Variants in TRIM63 observed in about 807,000 individuals in gnomAD.
TRIM63 encodes the protein E3 ubiquitin-protein ligase TRIM63.
TRIM63 carries 48 observed loss-of-function variants against 46.0 expected under a neutral mutation model. That is an observed-to-expected ratio of 1.04 (90% confidence interval 0.83 to 1.33). The LOEUF (loss-of-function observed/expected upper bound fraction) is 1.33, where lower values mean the gene tolerates loss of function less well. Among genes scored for constraint, TRIM63 ranks in the 40% most tolerant of loss-of-function variants. TRIM63 has a pLI of 0.00. For synonymous variants in TRIM63, 175 were observed against 162.8 expected (o/e 1.08, Z -0.57); for missense variants, 455 against 441.2 (o/e 1.03, Z -0.28).
In TRIM63 at chr1:26,051,847, T is replaced by C. The variant is rs2050525845; in HGVS notation, c.*26A>G. ...CCACCCTCTCCAGTCTCTCTGCATC[T>C]GGGGGCCTCTCATTCATCCAGCTCC... is the stretch of plus-strand genomic sequence containing the variant. On this transcript the variant is annotated 3_prime_UTR_variant, in exon 9 of 9. Coordinates refer to ENST00000374272, the MANE Select transcript of TRIM63 (RefSeq NM_032588.4). The C allele has an allele frequency of 1.7e-6, 2 of 1,203,896 alleles. No individual in the cohort carries two copies. The highest frequency in any genetic ancestry group is 1.6e-5 in the African/African-American group (1 of 61,824). 74.6% of individuals were successfully genotyped at this position (1,203,896 alleles called of 1,614,324 possible).
intron 8 of TRIM63, among the ~76,000 whole-genome samples, chr1:26,052,589 C>A (rs986258245): frequency 8.5e-5 from 13 of 152,136 alleles, no homozygotes; most frequent in African/African-American, 3.1e-4. Flanking sequence ...GCCTCAGCCT[C>A]CCAAGTAGCT....
chr1:26,058,124 G>T (rs2050589116), intron 5 of TRIM63, among the ~76,000 whole-genome samples: 2 of 152,148 alleles, frequency 1.3e-5, no homozygotes, highest in Admixed American at 6.5e-5. Flanking sequence ...TACAGTAGGG[G>T]CTCAATTAAT....
At chr1:26,057,133 C>G in intron 7 of TRIM63, 70 bp downstream of exon 7, 3 of 1,592,546 alleles carry the variant, frequency 1.9e-6, no homozygotes, top group Non-Finnish European at 1.7e-6. Context: ...CCATCGGGCT[C>G]AGTTGGAGGG....
chr1:26,053,848 G>T, intron 8 of TRIM63, 45 bp downstream of exon 8: 1 of 1,427,108 alleles, frequency 7.0e-7, no homozygotes. Context: ...GATTGTTGTG[G>T]AATGAATGAA....
At chr1:26,054,626 C>G (rs1044692515) in intron 7 of TRIM63, among the ~76,000 whole-genome samples, 3 of 152,142 alleles carry the variant, frequency 2.0e-5, no homozygotes, top group Non-Finnish European at 2.9e-5. Flanking sequence ...ACCTCCTTAA[C>G]CTTTTGGGGC....
At chr1:26,064,994 C>T (rs2124443306) in intron 2 of TRIM63, among the ~76,000 whole-genome samples, 1 of 151,972 alleles carries the variant, frequency 6.6e-6, no homozygotes, top group Non-Finnish European at 1.5e-5. Flanking sequence ...TGTGTCTCTC[C>T]CAAATTTTTG....
chr1:26,062,607 C>G (rs2050636231), intron 2 of TRIM63, among the ~76,000 whole-genome samples: 1 of 152,182 alleles, frequency 6.6e-6, no homozygotes, highest in African/African-American at 2.4e-5. Flanking sequence ...GACTTCTAGT[C>G]CAGAGATTCT....
chr1:26,064,315 C>T (rs1398258439), intron 2 of TRIM63, among the ~76,000 whole-genome samples: 3 of 152,034 alleles, frequency 2.0e-5, no homozygotes, highest in African/African-American at 7.3e-5. Context: ...TCTGTAGTCC[C>T]TGCTACTCGG....
Position 26,057,211 on chromosome 1 carries a change from A to G in TRIM63, c.971T>C (p.Phe324Ser). The G allele has an allele frequency of 6.2e-7, 1 of 1,614,138 alleles. No homozygotes were observed. Among genetic ancestry groups the G allele is most frequent in the Non-Finnish European group, 8.5e-7 (1 of 1,180,010 alleles). The change falls in exon 7 of 9, where the codon TTT becomes TCT. Residue 324 changes from phenylalanine (F) to serine (S), a missense_variant. Physicochemically the swap from Phe to Ser is radical, Grantham distance 155 (BLOSUM62 -2). Coordinates refer to ENST00000374272, the MANE Select transcript of TRIM63 (RefSeq NM_032588.4). ...HIADALRAID[F>S]GTDEEEEEFI... ...ATCACCACCTCCTTTACCTGTCCCAAAGTCAATGGCTCTCAGGGCGTCTGC... is the reference window on the plus strand; with the variant it reads ...ATCACCACCTCCTTTACCTGTCCCAGAGTCAATGGCTCTCAGGGCGTCTGC...
chr1:26,067,587 CG>C lies in TRIM63; in HGVS notation c.-94del. 3 of 1,425,500 alleles carry C rather than the reference CG, an allele frequency of 2.1e-6. No homozygotes were observed. Among genetic ancestry groups the C allele is most frequent in the Non-Finnish European group, 2.8e-6 (3 of 1,054,916 alleles). 88.3% of individuals were successfully genotyped at this position (1,425,500 alleles called of 1,614,324 possible). ...GGGTCTTGCCTTTGTCACAAAACAC[CG>C]GGTCGGATCCTGTTGGCTTCCTTCT... On this transcript the variant is annotated 5_prime_UTR_variant, in exon 1 of 9. Transcript: ENST00000374272.
intron 5 of TRIM63, 25 bp downstream of exon 5, chr1:26,058,365 C>T (rs781613502): frequency 4.4e-6 from 7 of 1,604,888 alleles, no homozygotes; most frequent in Non-Finnish European, 6.0e-6. Flanking sequence ...ACTGACCCCA[C>T]CCAGACCCTT....
Position 26,060,377 on chromosome 1 carries a change from G to A in TRIM63, c.502-16C>T, listed in dbSNP as rs2050612879. ...TCAGTTCAGTCTAGATGGGGGTGTG[G>A]GGGTCAGGAGAGGAGAGACACAAAT... On this transcript the variant is annotated splice_polypyrimidine_tract_variant and intron_variant, in intron 3 of 8. Transcript: ENST00000374272. The A allele has an allele frequency of 6.2e-7, 1 of 1,608,058 alleles. No individual in the cohort carries two copies.
At chr1:26,060,477 C>T (rs2050613714) in intron 3 of TRIM63, 116 bp from the exon 4 acceptor site, 6 of 729,706 alleles carry the variant, frequency 8.2e-6, no homozygotes, top group Non-Finnish European at 1.4e-5. Context: ...AAAGAGCCTC[C>T]AGTAGGGATC....
chr1:26,067,307 C>T (rs2050687186), intron 1 of TRIM63, 29 bp downstream of exon 1: 1 of 1,611,006 alleles, frequency 6.2e-7, no homozygotes, highest in South Asian at 1.1e-5. Context: ...CACCTGGGGA[C>T]CCCAAATGAA....
intron 2 of TRIM63, 65 bp downstream of exon 2, chr1:26,066,203 G>A (rs949451928): frequency 8.1e-5 from 127 of 1,566,246 alleles, no homozygotes; most frequent in African/African-American, 4.2e-4. Context: ...GGGAAGGAGC[G>A]TGGGGGATCT....
intron 8 of TRIM63, among the ~76,000 whole-genome samples, chr1:26,052,744 G>A (rs1303585005): frequency 2.0e-5 from 3 of 152,152 alleles, no homozygotes; most frequent in Non-Finnish European, 2.9e-5. Flanking sequence ...TAGGATTACA[G>A]GCGTGAGCCA....
rs2050594671 is a variant in TRIM63, at chr1:26,058,619, T to C, written c.602A>G (p.Asn201Ser). The change falls in exon 5 of 9, where the codon AAC (asparagine) becomes AGC (serine). Residue 201 changes from asparagine to serine, a missense_variant. By Grantham distance (46) the Asn-to-Ser change is conservative (BLOSUM62 1). Transcript: ENST00000374272. Reference protein sequence around the residue: ...LEDSRRVTKENSHQVKEELSQ... With the variant: ...LEDSRRVTKESSHQVKEELSQ... ...CAGCTCTTCCTTTACCTGGTGACTG[T>C]TCTCCTGAGGACGGAAGTCTTGTGG... The C allele has an allele frequency of 6.2e-7, 1 of 1,613,944 alleles. No individual in the cohort carries two copies. Among genetic ancestry groups the C allele is most frequent in the African/African-American group, 1.3e-5 (1 of 74,934 alleles).
At chr1:26,064,952 A>T (rs151045073) in intron 2 of TRIM63, among the ~76,000 whole-genome samples, 1,997 of 152,208 alleles carry the variant, frequency 0.013, 25 homozygotes, top group Middle Eastern at 0.031. Flanking sequence ...TCTTACCAGG[A>T]TGTCCTGATT....
intron 8 of TRIM63, among the ~76,000 whole-genome samples, chr1:26,052,280 G>C (rs777626021): frequency 1.3e-5 from 2 of 152,116 alleles, no homozygotes; most frequent in Non-Finnish European, 2.9e-5. Context: ...CAGATGAGTA[G>C]CCCAAGACTC....
Sources: allele counts gnomAD v4.1 joint callset (sites outside exome capture counted in the v4.1 genomes callset), GRCh38; gene constraint gnomAD v4.1.1; transcripts MANE v1.5; gene names NCBI Gene and HGNC (gene_info 2026-07-23, HGNC 2026-07-21).